Variants in SURF1 observed in about 807,000 individuals in gnomAD.
SURF1 encodes the protein surfeit locus protein 1.
Under a neutral mutation model 34.1 loss-of-function variants are expected in SURF1, and 45 were observed. That is an observed-to-expected ratio of 1.32 (90% CI 1.04 to 1.69). SURF1 has a LOEUF of 1.69. SURF1 is among the 40% of genes most tolerant of loss of function. The probability of loss-of-function intolerance (pLI) is 0.00; values close to 1 mark genes in which losing one functional copy is unlikely to be tolerated. For missense variants in SURF1, 456 were observed against 384.6 expected (o/e 1.19, Z -1.55); for synonymous variants, 188 against 147.5 (o/e 1.27, Z -1.99).
At position 133,351,953 on chromosome 9, in the gene SURF1, A is replaced by T. The variant is rs200841752; in HGVS notation, c.863T>A (p.Leu288Gln). Residue 288 changes from leucine (L) to glutamine (Q), a missense_variant, in exon 9 of 9, where the codon CTG (leucine) becomes CAG (glutamine). By Grantham distance (113) the Leu-to-Gln change is moderately radical. Transcript: ENST00000371974. ...CCCACGTAGGAATTTCTTAAACCAC[A>T]GGTAGGATGTAGCTGCAGAGAGTCC... ...WYGLSAATSY[L>Q]WFKKFLRGTP... The T allele has an allele frequency of 2.5e-6, 4 of 1,613,968 alleles. No individual in the cohort carries two copies. The highest frequency in any genetic ancestry group is 2.5e-6 in the Non-Finnish European group (3 of 1,179,996).
At position 133,354,661 on chromosome 9, in the gene SURF1, G is replaced by C. The variant is rs141425824; in HGVS notation, c.321C>G (p.Ala107=). Residue 107 remains alanine (A), a splice_region_variant and synonymous_variant, in exon 4 of 9, where the codon GCC becomes GCG. Coordinates refer to ENST00000371974, the MANE Select transcript of SURF1 (RefSeq NM_003172.4). ...TAGGGGGGCAGCCATGCACTCACTC[G>C]GCTGGCAGAGGGACAGGCTCAGCCA... ...RVLAEPVPLP[A]DPMELKNLEY... The C allele has an allele frequency of 6.2e-7, 1 of 1,610,840 alleles. No individual in the cohort carries two copies. Among genetic ancestry groups the C allele is most frequent in the Admixed American group, 1.7e-5 (1 of 60,028 alleles).
rs2130017910 is a variant in SURF1 at position 133,354,687 on chromosome 9, G to C, written c.295C>G (p.Leu99Val). Residue 99 changes from leucine (L) to valine (V), a missense_variant, in exon 4 of 9, where the codon CTG (leucine) becomes GTG (valine). Coordinates refer to ENST00000371974, the MANE Select transcript of SURF1 (RefSeq NM_003172.4). ...NLIAELESRV[L>V]AEPVPLPADP... ...GCTGGCAGAGGGACAGGCTCAGCCA[G>C]AACTCTGGACTCCAACTCTGCAATC... 2.5e-6 allele frequency: 4 copies of C among 1,613,298 alleles called. No homozygotes were observed. The South Asian group carries it at 3.3e-5, about 13-fold the overall frequency.
chr9:133,355,008 C>T (rs1836536927), intron 2 of SURF1, 51 bp from the exon 3 acceptor site: 1 of 1,607,694 alleles, frequency 6.2e-7, no homozygotes, highest in Non-Finnish European at 8.5e-7. Flanking sequence ...CGAACACAGA[C>T]CTGGAGCAGC....
intron 7 of SURF1, 52 bp from the exon 8 acceptor site, chr9:133,352,194 C>T (rs2130005562): frequency 2.0e-6 from 3 of 1,530,758 alleles, no homozygotes; most frequent in Admixed American, 1.9e-5. Flanking sequence ...CCAGCCTCTG[C>T]ACCACTTCCT....
At position 133,351,825 on chromosome 9, in the gene SURF1, G is replaced by T; in HGVS notation, c.*88C>A. 7.0e-7 allele frequency: 1 copy of T among 1,433,672 alleles called. No individual in the cohort carries two copies. Among genetic ancestry groups the T allele is most frequent in the Non-Finnish European group, 9.7e-7 (1 of 1,035,762 alleles). The allele number at this position is 1,433,672 out of a possible 1,614,324, so 88.8% of individuals were successfully genotyped here. On this transcript the variant is annotated 3_prime_UTR_variant, in exon 9 of 9. Transcript: ENST00000371974. ...TGAGCTCATTTAAGGTAGAAGGCCA[G>T]AACTTTATACCAGTAGCACATGATC...
At chr9:133,352,353 T>C in intron 7 of SURF1, 93 bp downstream of exon 7, 4 of 1,592,660 alleles carry the variant, frequency 2.5e-6, no homozygotes, top group Non-Finnish European at 3.4e-6. Context: ...TGTGAGAACA[T>C]AAGCCACAGT....
rs2130014252 is a variant in SURF1, at chr9:133,353,754, G to T, written c.510C>A (p.Asp170Glu). Residue 170 changes from aspartate to glutamate, a missense_variant, in exon 5 of 9, where the codon GAC becomes GAA. Transcript: ENST00000371974. The stretch of plus-strand genomic sequence containing the variant: ...CTCCCACATGTCCTACTCACCCCAG[G>T]TCGGTGCAGTGGAAGGGAGTGACCA... The part of the protein sequence containing the change: ...AYVVTPFHCT[D>E]LGVTILVNRG... 22 of 1,613,808 alleles carry T rather than the reference G, an allele frequency of 1.4e-5. No individual in the cohort carries two copies. In the South Asian group the frequency reaches 2.4e-4, roughly 18 times the overall value.
At position 133,356,471 on chromosome 9, in the gene SURF1, G is replaced by A; in HGVS notation, c.-18C>T. ...GCCGCCATCGCACCCGGCCCCGCGG[G>A]CGCTTCCGGGACGCAGGAAGCATCT... On this transcript the variant is annotated 5_prime_UTR_variant, in exon 1 of 9. Transcript: ENST00000371974. The A allele has an allele frequency of 2.8e-6, 4 of 1,425,150 alleles. No individual in the cohort carries two copies. The highest frequency in any genetic ancestry group is 2.5e-4 in the Middle Eastern group (1 of 4,008). 88.3% of individuals were successfully genotyped at this position (1,425,150 alleles called of 1,614,324 possible). A position where few individuals can be genotyped will look rare whatever the true frequency, so the allele number is the denominator to read the frequency against.
At chr9:133,354,055 G>C in intron 4 of SURF1, 115 bp from the exon 5 acceptor site, 3 of 1,215,284 alleles carry the variant, frequency 2.5e-6, no homozygotes, top group Non-Finnish European at 3.6e-6. Flanking sequence ...AAGGCAAAGG[G>C]CGTGCTCTTC....
At position 133,351,841 on chromosome 9, in the gene SURF1, G is replaced by T; in HGVS notation, c.*72C>A. 2 of 1,496,338 alleles carry T rather than the reference G, an allele frequency of 1.3e-6. No homozygotes were observed. Among genetic ancestry groups the T allele is most frequent in the Non-Finnish European group, 1.8e-6 (2 of 1,087,304 alleles). 92.7% of individuals were successfully genotyped at this position (1,496,338 alleles called of 1,614,324 possible). ...AGAAGGCCAGAACTTTATACCAGTAGCACATGATCCAGCATAAAGGCAGTC... is the reference window on the plus strand; with the variant it reads ...AGAAGGCCAGAACTTTATACCAGTATCACATGATCCAGCATAAAGGCAGTC... On this transcript the variant is annotated 3_prime_UTR_variant, in exon 9 of 9. Transcript: ENST00000371974.
chr9:133,352,080 G>A lies in SURF1; in HGVS notation c.814C>T (p.Leu272=), dbSNP rs2130004312. The A allele has an allele frequency of 6.2e-7, 1 of 1,611,356 alleles. No individual in the cohort carries two copies. Among genetic ancestry groups the A allele is most frequent in the East Asian group, 2.2e-5 (1 of 44,866 alleles). The change falls in exon 8 of 9, where the codon CTG becomes TTG. Residue 272 remains leucine (L), a synonymous_variant. Transcript: ENST00000371974. ...QTRVTLRNEH[L]QYIVTWYGLS... ...ACTCACCAGGTCACGATGTACTGCAGATGCTCGTTCCTCAGAGTAACTCTG... is the reference window on the plus strand; with the variant it reads ...ACTCACCAGGTCACGATGTACTGCAAATGCTCGTTCCTCAGAGTAACTCTG...
chr9:133,351,955 G>A lies in SURF1; in HGVS notation c.861C>T (p.Tyr287=), dbSNP rs1032493246. 3.1e-6 allele frequency: 5 copies of A among 1,613,978 alleles called. No homozygotes were observed. The highest frequency in any genetic ancestry group is 1.1e-5 in the South Asian group (1 of 91,036). ...CACGTAGGAATTTCTTAAACCACAG[G>A]TAGGATGTAGCTGCAGAGAGTCCAT... ...TWYGLSAATS[Y]LWFKKFLRGT... Residue 287 remains tyrosine, a synonymous_variant, in exon 9 of 9, where the codon TAC becomes TAT. Coordinates refer to ENST00000371974, the MANE Select transcript of SURF1 (RefSeq NM_003172.4).
At position 133,351,762 on chromosome 9, in the gene SURF1, G is replaced by T; in HGVS notation, c.*151C>A. ...TATCAAGTTTTGGGAAAGTTCTTTG[G>T]ACTGAAACCAAGCCAGGATTTTATG... On this transcript the variant is annotated 3_prime_UTR_variant, in exon 9 of 9. Coordinates refer to ENST00000371974, the MANE Select transcript of SURF1 (RefSeq NM_003172.4). The T allele has an allele frequency of 1.1e-6, 1 of 910,622 alleles. No homozygotes were observed. The highest frequency in any genetic ancestry group is 1.7e-6 in the Non-Finnish European group (1 of 576,204). The allele number at this position is 910,622 out of a possible 1,614,324, so 56.4% of individuals were successfully genotyped here.
intron 7 of SURF1, 75 bp downstream of exon 7, chr9:133,352,371 G>T: frequency 6.2e-7 from 1 of 1,603,322 alleles, no homozygotes; most frequent in African/African-American, 1.3e-5. Context: ...AGTAGTGACT[G>T]GGCAATGAGG....
chr9:133,354,221 A>G, intron 4 of SURF1: 1 of 544,098 alleles, frequency 1.8e-6, no homozygotes, highest in East Asian at 3.3e-5. Context: ...CAAATCTGGC[A>G]TACTGTTTGC....
At chr9:133,353,041 A>G (rs2130011854) in intron 5 of SURF1, among the ~76,000 whole-genome samples, 3 of 152,216 alleles carry the variant, frequency 2.0e-5, no homozygotes, top group African/African-American at 7.2e-5. Context: ...ACCTACTACA[A>G]CGTGCAACTG....
chr9:133,351,911 T>G lies in SURF1; in HGVS notation c.*2A>C, dbSNP rs1836420598. 15 of 1,613,454 alleles carry G rather than the reference T, an allele frequency of 9.3e-6. No homozygotes were observed. The East Asian group carries it at 3.1e-4, about 34-fold the overall frequency. On this transcript the variant is annotated 3_prime_UTR_variant, in exon 9 of 9. Transcript: ENST00000371974. The stretch of plus-strand genomic sequence containing the variant: ...AGGGACAGGGCTTCAGCAGCTGATC[T>G]GTCACACACCAGGTGTCCCACGTAG...
rs1379623129 is a variant in SURF1, at chr9:133,351,827, A to C, written c.*86T>G. 6.9e-7 allele frequency: 1 copy of C among 1,439,432 alleles called. No individual in the cohort carries two copies. The highest frequency in any genetic ancestry group is 9.6e-7 in the Non-Finnish European group (1 of 1,040,206). The allele number at this position is 1,439,432 out of a possible 1,614,324, so 89.2% of individuals were successfully genotyped here. ...AGCTCATTTAAGGTAGAAGGCCAGAACTTTATACCAGTAGCACATGATCCA... is the reference window on the plus strand; with the variant it reads ...AGCTCATTTAAGGTAGAAGGCCAGACCTTTATACCAGTAGCACATGATCCA... On this transcript the variant is annotated 3_prime_UTR_variant, in exon 9 of 9. Coordinates refer to ENST00000371974, the MANE Select transcript of SURF1 (RefSeq NM_003172.4).
Position 133,352,764 on chromosome 9 carries a change from ACT to A in SURF1, c.516_517del (p.Val173HisfsTer6), listed in dbSNP as rs2130010003. The A allele has an allele frequency of 1.9e-6, 3 of 1,609,902 alleles. No homozygotes were observed. The highest frequency in any genetic ancestry group is 2.7e-5 in the African/African-American group (2 of 74,870). On this transcript the variant is annotated frameshift_variant and splice_region_variant, in exon 6 of 9. Transcript: ENST00000371974. LOFTEE classifies it high-confidence loss of function. ...GAACCCTCTATTTACCAGGATGGTG[ACT>A]CTAGGGTAATGAAAGTGCTACTTCA... is the stretch of plus-strand genomic sequence containing the variant.
Sources: gnomAD v4.1 joint callset for allele counts (sites outside exome capture counted in the v4.1 genomes callset) on GRCh38, gnomAD v4.1.1 for gene constraint, MANE v1.5 for transcripts, NCBI Gene and HGNC (gene_info 2026-07-23, HGNC 2026-07-21) for gene names.